Variants in RIN3 observed in about 807,000 individuals in gnomAD.
RIN3 encodes the protein Ras and Rab interactor 3.
RIN3 carries 54 observed loss-of-function variants against 76.3 expected under a neutral mutation model. The observed-to-expected ratio is 0.71, with a 90% confidence interval of 0.57 to 0.89. The LOEUF is 0.89. Among genes scored for constraint, RIN3 ranks in the 40% least tolerant of loss-of-function variants. RIN3 has a pLI of 0.00. For missense variants in RIN3, 1,256 were observed against 1,322.1 expected (o/e 0.95, Z 0.78); for synonymous variants, 576 against 564.0 (o/e 1.02, Z -0.30).
At chr14:92,515,662 C>T (rs1476839543) in intron 1 of RIN3, among the ~76,000 whole-genome samples, 6 of 152,164 alleles carry the variant, frequency 3.9e-5, no homozygotes, top group Admixed American at 3.3e-4. Context: ...ACAAATGACC[C>T]GGCCCCTGCC....
At chr14:92,661,200 G>C (rs1258989154) in intron 7 of RIN3, among the ~76,000 whole-genome samples, 16 of 152,152 alleles carry the variant, frequency 1.1e-4, no homozygotes, top group Admixed American at 7.9e-4. Context: ...CACCTGGCAG[G>C]CTCAACAAAT....
rs1555388278 is a variant in RIN3, at chr14:92,614,799, T to TTTTATATA, written c.368-607_368-606insTTATATAT. 1.2e-3 allele frequency among the ~76,000 whole-genome samples: 122 copies of TTTTATATA among 103,402 alleles called. 1 individual carries two copies. Among genetic ancestry groups the TTTTATATA allele is most frequent in the African/African-American group, 5.3e-3 (111 of 20,898 alleles). 67.8% of individuals were successfully genotyped at this position (103,402 alleles called of 152,430 possible). On this transcript the variant is annotated intron_variant, in intron 3 of 9. Transcript: ENST00000216487. ...AGAACTGTGAGTCCATTAAACCTCTTTATATATATATATATATATATAAAT... is the reference window on the plus strand; with the variant it reads ...AGAACTGTGAGTCCATTAAACCTCTTTTTATATATATATATATATATATATATATAAAT...
chr14:92,576,218 G>A lies in RIN3; in HGVS notation c.250-1142G>A, dbSNP rs1282604064. ...AGGAGGGATGAGCTTGCTGAGACCT[G>A]CCAAGACTCAAAGGACATTTTAAAA... On this transcript the variant is annotated intron_variant, in intron 2 of 9. Coordinates refer to ENST00000216487, the MANE Select transcript of RIN3 (RefSeq NM_024832.5). The A allele has an allele frequency of 5.5e-6, 7 of 1,265,280 alleles. No individual in the cohort carries two copies. In the African/African-American group the frequency reaches 1.1e-4, roughly 19 times the overall value. 78.4% of individuals were successfully genotyped at this position (1,265,280 alleles called of 1,614,324 possible). A position where few individuals can be genotyped will look rare whatever the true frequency, so the allele number is the denominator to read the frequency against.
At chr14:92,682,371 C>T (rs902710166) in intron 8 of RIN3, among the ~76,000 whole-genome samples, 1 of 152,174 alleles carries the variant, frequency 6.6e-6, no homozygotes, top group Admixed American at 6.5e-5. Context: ...CTTTGGGCTG[C>T]ACGTAACTCA....
intron 4 of RIN3, among the ~76,000 whole-genome samples, chr14:92,626,796 G>T: frequency 6.6e-6 from 1 of 152,102 alleles, no homozygotes; most frequent in East Asian, 1.9e-4. Context: ...CAGGAGTTGG[G>T]ATCCCTCTGC....
chr14:92,552,537 A>T (rs983828669), intron 1 of RIN3, among the ~76,000 whole-genome samples: 1 of 151,124 alleles, frequency 6.6e-6, no homozygotes, highest in Non-Finnish European at 1.5e-5. Flanking sequence ...CCCTCCCCCT[A>T]CCCCCTCTGC....
At chr14:92,592,764 C>T (rs964445074) in intron 3 of RIN3, among the ~76,000 whole-genome samples, 1 of 151,224 alleles carries the variant, frequency 6.6e-6, no homozygotes, top group African/African-American at 2.4e-5. Flanking sequence ...CAACCTCTGC[C>T]TCCTGGGTTG....
intron 4 of RIN3, among the ~76,000 whole-genome samples, chr14:92,621,736 G>T (rs897927765): frequency 1.3e-5 from 2 of 152,206 alleles, no homozygotes; most frequent in Non-Finnish European, 2.9e-5. Flanking sequence ...TTCCTATTGA[G>T]ACCCTTTAAA....
intron 3 of RIN3, among the ~76,000 whole-genome samples, chr14:92,596,997 T>G (rs1885171545): frequency 6.6e-6 from 1 of 152,122 alleles, no homozygotes; most frequent in Non-Finnish European, 1.5e-5. Context: ...TTTTTTTCCC[T>G]CCTGGAGAGC....
At chr14:92,515,466 C>A in intron 1 of RIN3, 1 of 504,606 alleles carries the variant, frequency 2.0e-6, no homozygotes, top group Non-Finnish European at 3.5e-6. Context: ...TATTTAAACT[C>A]TCTGTATCTC....
chr14:92,544,673 C>G (rs1210781368), intron 1 of RIN3, among the ~76,000 whole-genome samples: 2 of 151,958 alleles, frequency 1.3e-5, no homozygotes, highest in Non-Finnish European at 2.9e-5. Flanking sequence ...GTGGCATGCT[C>G]TGGGACCCGG....
At chr14:92,532,158 ACCTCAAGTGGTCCACCT>A (rs1192192005) in intron 1 of RIN3, among the ~76,000 whole-genome samples, 1 of 151,990 alleles carries the variant, frequency 6.6e-6, no homozygotes, top group Non-Finnish European at 1.5e-5. Context: ...TGAACTCTTG[ACCTCAAGTGGTCCACCT>A]GCTTTGGCCT....
At chr14:92,634,345 G>A (rs1157939886) in intron 4 of RIN3, among the ~76,000 whole-genome samples, 4 of 151,852 alleles carry the variant, frequency 2.6e-5, no homozygotes, top group African/African-American at 7.3e-5. Context: ...CTCCCAAAGT[G>A]CTGAGATTAC....
chr14:92,533,821 C>T (rs1427490013), intron 1 of RIN3, among the ~76,000 whole-genome samples: 1 of 152,168 alleles, frequency 6.6e-6, no homozygotes, highest in African/African-American at 2.4e-5. Context: ...CACTAAATAA[C>T]TTACTCAGGT....
At chr14:92,635,697 A>G (rs1886747992) in intron 4 of RIN3, among the ~76,000 whole-genome samples, 1 of 151,876 alleles carries the variant, frequency 6.6e-6, no homozygotes, top group Admixed American at 6.6e-5. Flanking sequence ...ACTAAAAAAT[A>G]CAAAAATCAG....
chr14:92,567,542 A>G (rs1263749905), intron 2 of RIN3, among the ~76,000 whole-genome samples: 2 of 151,608 alleles, frequency 1.3e-5, no homozygotes, highest in Non-Finnish European at 2.9e-5. Flanking sequence ...TCTTTACATG[A>G]CAGCATAGTC....
chr14:92,653,432 A>T (rs1347574964), intron 6 of RIN3, among the ~76,000 whole-genome samples: 1 of 152,134 alleles, frequency 6.6e-6, no homozygotes, highest in African/African-American at 2.4e-5. Flanking sequence ...GCCCGGCGAG[A>T]TCTGGCTGAG....
At chr14:92,641,742 C>T (rs866634990) in intron 5 of RIN3, among the ~76,000 whole-genome samples, 1 of 152,162 alleles carries the variant, frequency 6.6e-6, no homozygotes, top group Non-Finnish European at 1.5e-5. Flanking sequence ...GTGGCCCTTG[C>T]GGGTCCTGTC....
In RIN3 at chr14:92,676,665, C is replaced by T. The variant is rs1393668023; in HGVS notation, c.2467+59C>T. 4.4e-6 allele frequency: 7 copies of T among 1,581,852 alleles called. No homozygotes were observed. The Admixed American group carries it at 5.1e-5, about 11-fold the overall frequency. ...GCACACCCCCAACTCAGCCACGCCA[C>T]GGGCACTCTAGGTGGCCCAACAAGC... On this transcript the variant is annotated intron_variant, in intron 8 of 9. Coordinates refer to ENST00000216487, the MANE Select transcript of RIN3 (RefSeq NM_024832.5).
Sources: gnomAD v4.1 joint callset for allele counts (sites outside exome capture counted in the v4.1 genomes callset) on GRCh38, gnomAD v4.1.1 for gene constraint, MANE v1.5 for transcripts, NCBI Gene and HGNC (gene_info 2026-07-23, HGNC 2026-07-21) for gene names.